ZNF469: variants seen among roughly 807,000 people sequenced by gnomAD.
ZNF469 encodes the protein zinc finger protein 469.
Under a neutral mutation model 1.0 loss-of-function variants are expected in ZNF469, and 1 was observed. The ratio of observed to expected loss-of-function variants is 1.00; its 90% CI spans 0.35 to 4.73. The LOEUF (loss-of-function observed/expected upper bound fraction) is 4.73, where lower values mean the gene tolerates loss of function less well. ZNF469 is among the 30% of genes most tolerant of loss of function. ZNF469 has a pLI of 0.16. For synonymous variants in ZNF469, 2,703 were observed against 2,363.4 expected (o/e 1.14, Z -4.17); for missense variants, 6,100 against 5,356.3 (o/e 1.14, Z -4.33).
the ZNF469 span, among the ~76,000 whole-genome samples, chr16:88,352,073 G>A: frequency 1.3e-4 from 20 of 152,162 alleles, no homozygotes; most frequent in Non-Finnish European, 1.5e-4. Flanking sequence ...GGGAACACCC[G>A]GAACAGGCAC....
chr16:88,226,164 C>A, the ZNF469 span, among the ~76,000 whole-genome samples: 4 of 152,164 alleles, frequency 2.6e-5, no homozygotes, highest in African/African-American at 9.7e-5. Flanking sequence ...ACGTCTTCCA[C>A]CTTGTTAAAG....
the ZNF469 span, among the ~76,000 whole-genome samples, chr16:88,291,222 A>C: frequency 1.3e-5 from 2 of 152,180 alleles, no homozygotes; most frequent in Non-Finnish European, 2.9e-5. Context: ...CAGTGGGCAG[A>C]AACCATGAGC....
chr16:88,185,389 A>G, the ZNF469 span, among the ~76,000 whole-genome samples: 1 of 116,632 alleles, frequency 8.6e-6, no homozygotes, highest in South Asian at 3.5e-4. Flanking sequence ...TGTGCAGAGA[A>G]CACACACACA....
chr16:88,229,868 G>A, the ZNF469 span, among the ~76,000 whole-genome samples: 2 of 152,306 alleles, frequency 1.3e-5, no homozygotes, highest in South Asian at 4.1e-4. Flanking sequence ...GGACCCCCCA[G>A]CAGGTGCAGC....
the ZNF469 span, among the ~76,000 whole-genome samples, chr16:88,330,347 C>T: frequency 6.6e-6 from 1 of 152,212 alleles, no homozygotes; most frequent in African/African-American, 2.4e-5. Flanking sequence ...AAGTGGACTC[C>T]ACGTTGCCGT....
the ZNF469 span, among the ~76,000 whole-genome samples, chr16:88,302,903 G>A: frequency 6.6e-6 from 1 of 152,244 alleles, no homozygotes; most frequent in Non-Finnish European, 1.5e-5. Flanking sequence ...CTGCCGAAAA[G>A]GGGAGGCTTG....
In ZNF469 at chr16:88,438,996, C is replaced by T. The variant is rs1213102834; in HGVS notation, c.11526C>T (p.Asp3842=). 2 of 1,550,364 alleles carry T rather than the reference C, an allele frequency of 1.3e-6. No individual in the cohort carries two copies. The highest frequency in any genetic ancestry group is 2.0e-5 in the Admixed American group (1 of 51,010). Residue 3842 remains aspartate, a synonymous_variant, in exon 3 of 3, where the codon GAC becomes GAT. Coordinates refer to ENST00000565624, the MANE Select transcript of ZNF469 (RefSeq NM_001367624.2). ...TCGGGAGAGCCCCCTCAGCCCCTGA[C>T]AAGCCCCCCCGGACCCCTCGGAAGC... The part of the protein sequence containing the change: ...GSFGRAPSAP[D]KPPRTPRKQA...
the ZNF469 span, among the ~76,000 whole-genome samples, chr16:88,259,894 C>T: frequency 3.3e-5 from 5 of 152,070 alleles, no homozygotes; most frequent in Admixed American, 6.6e-5. The surrounding 1 kb of genome is among the most constrained non-coding windows in gnomAD (Gnocchi z 4.1). Flanking sequence ...AAGCCCCATC[C>T]GGACATTTAC....
the ZNF469 span, among the ~76,000 whole-genome samples, chr16:88,206,162 A>T: frequency 1.3e-4 from 20 of 152,148 alleles, no homozygotes; most frequent in Admixed American, 1.3e-3. Context: ...GTGCCCGGAG[A>T]CGGCACCCAG....
chr16:88,169,616 G>T, the ZNF469 span, among the ~76,000 whole-genome samples: 5 of 152,190 alleles, frequency 3.3e-5, no homozygotes, highest in African/African-American at 1.2e-4. This position sits in a 1 kb window ranked among gnomAD's most constrained non-coding sequence, Gnocchi z 6.1. Context: ...GCCGAAGGAC[G>T]TTTGGGCTGA....
At chr16:88,311,927 C>T in the ZNF469 span, among the ~76,000 whole-genome samples, 3 of 152,228 alleles carry the variant, frequency 2.0e-5, no homozygotes, top group Non-Finnish European at 4.4e-5. Flanking sequence ...AGTCCATTCT[C>T]ACACTGCTGA....
intron 1 of ZNF469, among the ~76,000 whole-genome samples, chr16:88,405,970 C>G (rs766316030): frequency 2.0e-5 from 3 of 152,250 alleles, no homozygotes; most frequent in Non-Finnish European, 4.4e-5. Flanking sequence ...TGAGCGCTAA[C>G]GTGGCTGAAT....
In ZNF469 at chr16:88,432,819, A is replaced by C; in HGVS notation, c.5349A>C (p.Ala1783=). Residue 1783 remains alanine, a synonymous_variant, in exon 3 of 3, where the codon GCA becomes GCC. Coordinates refer to ENST00000565624, the MANE Select transcript of ZNF469 (RefSeq NM_001367624.2). ...GGTTCCTCCCAGAGCCCGGCACAGC[A>C]GACCAGCCCCACCGAGGGGCCCCTG... The part of the protein sequence containing the change: ...RGGFLPEPGT[A]DQPHRGAPAP... 1 of 1,550,242 alleles carries C rather than the reference A, an allele frequency of 6.5e-7. No homozygotes were observed. The highest frequency in any genetic ancestry group is 8.7e-7 in the Non-Finnish European group (1 of 1,146,962).
chr16:88,122,701 A>G, the ZNF469 span, among the ~76,000 whole-genome samples: 2 of 152,180 alleles, frequency 1.3e-5, no homozygotes, highest in Non-Finnish European at 2.9e-5. Flanking sequence ...ATTTGTACAC[A>G]TATTTGTATG....
the ZNF469 span, among the ~76,000 whole-genome samples, chr16:88,187,352 C>T: frequency 3.0e-4 from 45 of 152,362 alleles, no homozygotes; most frequent in Admixed American, 2.5e-3. Flanking sequence ...AGCATGAGAA[C>T]ACACGTTCTA....
intron 1 of ZNF469, among the ~76,000 whole-genome samples, chr16:88,422,686 G>A (rs1362585058): frequency 6.7e-6 from 1 of 148,778 alleles, no homozygotes; most frequent in East Asian, 2.0e-4. Context: ...ATGGACAGAT[G>A]GGTGGGTGGG....
chr16:88,387,800 C>T (rs2142262669), intron 1 of ZNF469, among the ~76,000 whole-genome samples: 1 of 152,286 alleles, frequency 6.6e-6, no homozygotes, highest in South Asian at 2.1e-4. Flanking sequence ...CACCCCGTCC[C>T]CCTAACACCC....
the ZNF469 span, among the ~76,000 whole-genome samples, chr16:88,254,734 G>A: frequency 4.6e-5 from 7 of 152,016 alleles, no homozygotes; most frequent in Non-Finnish European, 7.4e-5. Context: ...CTCCAGCCTG[G>A]GTGACAAGAG....
intron 1 of ZNF469, among the ~76,000 whole-genome samples, chr16:88,412,142 GA>G (rs1204350733): frequency 2.0e-5 from 3 of 152,144 alleles, no homozygotes; most frequent in Non-Finnish European, 2.9e-5. Context: ...CCTCCATCAG[GA>G]GCCCACCACG....
Sources: allele counts gnomAD v4.1 joint callset (sites outside exome capture counted in the v4.1 genomes callset), GRCh38; gene constraint gnomAD v4.1.1; non-coding constraint Gnocchi (gnomAD v3.1); transcripts MANE v1.5; gene names NCBI Gene and HGNC (gene_info 2026-07-23, HGNC 2026-07-21).